Variants in PCOLCE2 observed in about 807,000 individuals in gnomAD.
The protein encoded by PCOLCE2 is procollagen C-endopeptidase enhancer 2.
In PCOLCE2, 42 loss-of-function variants were observed where a neutral mutation model predicts 47.0. That is an observed-to-expected ratio of 0.89 (90% confidence interval 0.70 to 1.16). The LOEUF (loss-of-function observed/expected upper bound fraction) is 1.16, where lower values mean the gene tolerates loss of function less well. Among genes scored for constraint, PCOLCE2 ranks in the 50% most tolerant of loss-of-function variants. The pLI, the probability that PCOLCE2 is intolerant of heterozygous loss-of-function variation, is 0.00. For missense variants in PCOLCE2, 500 were observed against 526.1 expected, an observed-to-expected ratio of 0.95 and a Z score of 0.49; for synonymous variants, 169 against 191.7, an observed-to-expected ratio of 0.88 and a Z score of 0.98.
intron 2 of PCOLCE2, among the ~76,000 whole-genome samples, chr3:142,874,786 T>C (rs1191211838): frequency 1.3e-5 from 2 of 152,256 alleles, no homozygotes; most frequent in African/African-American, 4.8e-5. Flanking sequence ...TATAGTTTAG[T>C]AGGGAAGGCA....
chr3:142,886,977 T>C (rs1933727785), intron 2 of PCOLCE2, among the ~76,000 whole-genome samples: 1 of 152,106 alleles, frequency 6.6e-6, no homozygotes, highest in Admixed American at 6.5e-5. Context: ...AACGAAAAAG[T>C]GAAGAAGGTA....
intron 6 of PCOLCE2, chr3:142,827,100 TTC>T (rs1190969772): frequency 2.1e-6 from 3 of 1,419,862 alleles, no homozygotes; most frequent in Admixed American, 3.4e-5. Flanking sequence ...TTAGCACTAG[TTC>T]TCTTTCTCCT....
chr3:142,850,750 T>G (rs921527227), intron 2 of PCOLCE2, among the ~76,000 whole-genome samples: 1 of 152,026 alleles, frequency 6.6e-6, no homozygotes, highest in East Asian at 1.9e-4. Flanking sequence ...ATGGTGACAA[T>G]AAATATAAAC....
chr3:142,849,186 A>G (rs752122836), intron 2 of PCOLCE2, among the ~76,000 whole-genome samples: 11 of 152,192 alleles, frequency 7.2e-5, no homozygotes, highest in Non-Finnish European at 1.5e-4. Context: ...CAAATAATAC[A>G]GTAGGACGCA....
In PCOLCE2 at chr3:142,842,912, AG is replaced by A. The variant is rs778577648; in HGVS notation, c.573+11del. Reference sequence around the variant, plus strand: ...ACATGCATGCTTTCTTCACACTTCCAGGGAATCTCACCTGATTCTTTGGGGC... The same window carrying A: ...ACATGCATGCTTTCTTCACACTTCCAGGAATCTCACCTGATTCTTTGGGGC... On this transcript the variant is annotated intron_variant, in intron 4 of 8. Coordinates refer to ENST00000295992, the MANE Select transcript of PCOLCE2 (RefSeq NM_013363.4). This position sits in a 1 kb window ranked among gnomAD's most constrained non-coding sequence, Gnocchi z 4.1. 9.9e-6 allele frequency: 16 copies of A among 1,613,680 alleles called. No homozygotes were observed. In the African/African-American group the frequency reaches 2.0e-4, roughly 20 times the overall value.
At chr3:142,870,537 C>G (rs966807983) in intron 2 of PCOLCE2, among the ~76,000 whole-genome samples, 1 of 152,062 alleles carries the variant, frequency 6.6e-6, no homozygotes, top group Admixed American at 6.6e-5. Context: ...GACCACAGTT[C>G]AACCTCAACA....
At chr3:142,846,752 C>A (rs1937332425) in intron 3 of PCOLCE2, 1 of 152,070 alleles carries the variant, frequency 6.6e-6, no homozygotes, top group South Asian at 2.1e-4. Context: ...CCTGTGAGTA[C>A]AATAGGTAAA....
intron 2 of PCOLCE2, among the ~76,000 whole-genome samples, chr3:142,853,033 G>A (rs1201053771): frequency 6.0e-5 from 9 of 150,132 alleles, no homozygotes; most frequent in Non-Finnish European, 1.3e-4. Flanking sequence ...TTGAGCCTGG[G>A]ACATCAAAGC....
rs531694699 is a variant in PCOLCE2, at chr3:142,853,094, C to A, written c.193-4622G>T. 2.0e-5 allele frequency among the ~76,000 whole-genome samples: 3 copies of A among 146,470 alleles called. No homozygotes were observed. In the East Asian group the frequency reaches 5.9e-4, roughly 29 times the overall value. ...CTCTAGCCTGGAGAATAGAGAGAGACCCTGTTTAAAAAAAAAAAAAAAAGG... is the reference window on the plus strand; with the variant it reads ...CTCTAGCCTGGAGAATAGAGAGAGAACCTGTTTAAAAAAAAAAAAAAAAGG... On this transcript the variant is annotated intron_variant, in intron 2 of 8. Transcript: ENST00000295992.
At position 142,850,381 on chromosome 3, in the gene PCOLCE2, A is replaced by C. The variant is rs569782346; in HGVS notation, c.193-1909T>G. ...GTATAGAGGGTAATTCAAAGCTACG[A>C]AACTTGATGAAGTCACTCCCAGAGT... On this transcript the variant is annotated intron_variant, in intron 2 of 8. Transcript: ENST00000295992. Among the ~76,000 whole-genome samples, 7 of 152,338 alleles carry C rather than the reference A, an allele frequency of 4.6e-5. No individual in the cohort carries two copies. In the South Asian group the frequency reaches 1.2e-3, roughly 27 times the overall value.
intron 2 of PCOLCE2, chr3:142,887,213 TA>T (rs1439929759): frequency 1.3e-5 from 2 of 152,734 alleles, no homozygotes; most frequent in East Asian, 3.8e-4. Flanking sequence ...CCAGGAACAT[TA>T]AGTGGGCTTT....
chr3:142,822,664 G>C (rs984966519), intron 7 of PCOLCE2, among the ~76,000 whole-genome samples: 23 of 152,264 alleles, frequency 1.5e-4, no homozygotes, highest in African/African-American at 5.3e-4. Context: ...ATGTGGCGTT[G>C]TTTTCACATT....
chr3:142,853,917 T>C (rs1174349671), intron 2 of PCOLCE2, among the ~76,000 whole-genome samples: 1 of 152,192 alleles, frequency 6.6e-6, no homozygotes, highest in Non-Finnish European at 1.5e-5. Context: ...AGCGTAGAGC[T>C]TCCACAGTGA....
At chr3:142,883,402 T>G (rs547715174) in intron 2 of PCOLCE2, among the ~76,000 whole-genome samples, 2 of 152,148 alleles carry the variant, frequency 1.3e-5, no homozygotes, top group Admixed American at 1.3e-4. Context: ...TCACAAGGTC[T>G]TATTTTTGCT....
intron 8 of PCOLCE2, among the ~76,000 whole-genome samples, 156 bp from the exon 9 acceptor site, chr3:142,818,621 G>T (rs1936978129): frequency 6.6e-6 from 1 of 152,076 alleles, no homozygotes; most frequent in African/African-American, 2.4e-5. Flanking sequence ...TCTTGTTTTT[G>T]CTTTTTAGAG....
At chr3:142,862,903 CAT>C (rs1480691924) in intron 2 of PCOLCE2, among the ~76,000 whole-genome samples, 1 of 151,720 alleles carries the variant, frequency 6.6e-6, no homozygotes, top group Non-Finnish European at 1.5e-5. Context: ...CTATTATAAA[CAT>C]AATTATAAAA....
intron 5 of PCOLCE2, among the ~76,000 whole-genome samples, chr3:142,838,547 G>A (rs1937229712): frequency 6.6e-6 from 1 of 152,068 alleles, no homozygotes; most frequent in South Asian, 2.1e-4. Flanking sequence ...CATGCTTCCT[G>A]TACAACATGC....
At chr3:142,882,361 T>C (rs1933640972) in intron 2 of PCOLCE2, among the ~76,000 whole-genome samples, 1 of 152,014 alleles carries the variant, frequency 6.6e-6, no homozygotes, top group African/African-American at 2.4e-5. Context: ...CATATTTTCT[T>C]CATAAAGGGA....
At chr3:142,849,522 C>T (rs1368145793) in intron 2 of PCOLCE2, among the ~76,000 whole-genome samples, 2 of 152,148 alleles carry the variant, frequency 1.3e-5, no homozygotes, top group African/African-American at 4.8e-5. Flanking sequence ...ATGGTTCCTT[C>T]CTTATTCCCT....
Sources: allele counts gnomAD v4.1 joint callset (sites outside exome capture counted in the v4.1 genomes callset), GRCh38; gene constraint gnomAD v4.1.1; non-coding constraint Gnocchi (gnomAD v3.1); transcripts MANE v1.5; gene names NCBI Gene and HGNC (gene_info 2026-07-23, HGNC 2026-07-21).